The following KCTD5 variants were observed in gnomAD, a reference collection of about 807,000 sequenced individuals.
KCTD5 encodes the protein BTB/POZ domain-containing protein KCTD5.
KCTD5 carries 12 observed loss-of-function variants against 27.9 expected under a neutral mutation model. That is an observed-to-expected ratio of 0.43 (90% CI 0.28 to 0.70). The LOEUF (loss-of-function observed/expected upper bound fraction) is 0.70, where lower values mean the gene tolerates loss of function less well. Among genes scored for constraint, KCTD5 ranks in the 30% least tolerant of loss-of-function variants. The probability of loss-of-function intolerance (pLI) is 0.19; values close to 1 mark genes in which losing one functional copy is unlikely to be tolerated. For missense variants in KCTD5, 226 were observed against 274.8 expected, an observed-to-expected ratio of 0.82 and a Z score of 1.26; for synonymous variants, 147 against 121.4, an observed-to-expected ratio of 1.21 and a Z score of -1.39.
intron 5 of KCTD5, among the ~76,000 whole-genome samples, chr16:2,703,762 G>A (rs1013097231): frequency 1.3e-5 from 2 of 152,124 alleles, no homozygotes; most frequent in Non-Finnish European, 2.9e-5. Context: ...GCCGTTCCTC[G>A]AGGCCGAGGC....
chr16:2,684,548 G>A (rs1379334357), intron 1 of KCTD5: 4 of 151,988 alleles, frequency 2.6e-5, no homozygotes, highest in East Asian at 1.9e-4. Context: ...GGCGGATCAC[G>A]AGGTCAGGAG....
At position 2,702,491 on chromosome 16, in the gene KCTD5, C is replaced by A. The variant is rs761450252; in HGVS notation, c.675+13C>A. ...CGAGAAGGCCAAGGTGAGTGCTGGG[C>A]CGGCCCTGGCCTGGGGCAGTCTTGG... On this transcript the variant is annotated intron_variant, in intron 5 of 5. Transcript: ENST00000301738. The A allele has an allele frequency of 1.2e-6, 2 of 1,612,016 alleles. No individual in the cohort carries two copies. The highest frequency in any genetic ancestry group is 2.2e-5 in the South Asian group (2 of 90,996).
chr16:2,692,867 G>A (rs2067572702), intron 1 of KCTD5, among the ~76,000 whole-genome samples: 1 of 152,282 alleles, frequency 6.6e-6, no homozygotes, highest in Non-Finnish European at 1.5e-5. Context: ...GAGCCTGCAA[G>A]GGCCCGGCAG....
rs2067647026 is a variant in KCTD5 at position 2,708,381 on chromosome 16, A to G, written c.*1054A>G. 6.6e-6 allele frequency: 1 copy of G among 152,610 alleles called. No homozygotes were observed. Among genetic ancestry groups the G allele is most frequent in the Non-Finnish European group, 1.5e-5 (1 of 68,032 alleles). The allele number at this position is 152,610 out of a possible 1,614,324, so 9.5% of individuals were successfully genotyped here. On this transcript the variant is annotated 3_prime_UTR_variant, in exon 6 of 6. Coordinates refer to ENST00000301738, the MANE Select transcript of KCTD5 (RefSeq NM_018992.4). ...CCGACATGCCGTGGGAGCTGCTGGG[A>G]TTCCTTTAGAAACCGCTGCCCGCAT...
intron 1 of KCTD5, among the ~76,000 whole-genome samples, chr16:2,691,846 C>A (rs866213104): frequency 6.6e-6 from 1 of 152,250 alleles, no homozygotes; most frequent in Admixed American, 6.5e-5. Context: ...GGGTCCCCCG[C>A]GGTGCCTCAG....
chr16:2,706,236 G>A (rs571523963), intron 5 of KCTD5, among the ~76,000 whole-genome samples: 56 of 152,286 alleles, frequency 3.7e-4, no homozygotes, highest in Non-Finnish European at 6.8e-4. Context: ...CTCAGGGGAC[G>A]TGGCCTCCAG....
chr16:2,688,364 C>A (rs1183102356), intron 1 of KCTD5, among the ~76,000 whole-genome samples: 4 of 151,606 alleles, frequency 2.6e-5, no homozygotes, highest in Non-Finnish European at 5.9e-5. Flanking sequence ...ATTTCTCCTG[C>A]CCCACCCTCC....
intron 1 of KCTD5, among the ~76,000 whole-genome samples, chr16:2,690,596 G>C (rs1264533144): frequency 6.6e-6 from 1 of 152,232 alleles, no homozygotes; most frequent in Non-Finnish European, 1.5e-5. Flanking sequence ...GCCGTGGAAC[G>C]TATGAGAAAG....
At position 2,702,904 on chromosome 16, in the gene KCTD5, G is replaced by A. The variant is rs1281415728; in HGVS notation, c.675+426G>A. On this transcript the variant is annotated intron_variant, in intron 5 of 5. Transcript: ENST00000301738. Reference sequence around the variant, plus strand: ...TGGGGGTCCAGTTGTCGTGGTGGGGGTCTGGGCCATCCCTGAGTGCAGGGG... The same window carrying A: ...TGGGGGTCCAGTTGTCGTGGTGGGGATCTGGGCCATCCCTGAGTGCAGGGG... 2.0e-5 allele frequency among the ~76,000 whole-genome samples: 3 copies of A among 152,304 alleles called. No individual in the cohort carries two copies. In the East Asian group the frequency reaches 5.8e-4, roughly 29 times the overall value.
chr16:2,688,383 TGG>T (rs1459250636), intron 1 of KCTD5, among the ~76,000 whole-genome samples: 1 of 151,788 alleles, frequency 6.6e-6, no homozygotes, highest in African/African-American at 2.4e-5. Context: ...CCCAAGTAGC[TGG>T]GATTACAGGC....
intron 5 of KCTD5, among the ~76,000 whole-genome samples, chr16:2,705,310 T>C (rs1394294606): frequency 6.6e-6 from 1 of 152,130 alleles, no homozygotes; most frequent in Admixed American, 6.5e-5. Context: ...ATGCCAGCTG[T>C]AGATCCTCAG....
In KCTD5 at chr16:2,707,619, G is replaced by C. The variant is rs2067642979; in HGVS notation, c.*292G>C. ...CGTGGGACTGAGGCAGACACTCCCA[G>C]TCAGCCCGCTCGATCCTGAAGATCG... is the stretch of plus-strand genomic sequence containing the variant. On this transcript the variant is annotated 3_prime_UTR_variant, in exon 6 of 6. Transcript: ENST00000301738. 3 of 603,666 alleles carry C rather than the reference G, an allele frequency of 5.0e-6. No homozygotes were observed. The highest frequency in any genetic ancestry group is 8.8e-6 in the Non-Finnish European group (3 of 339,292). 37.4% of individuals were successfully genotyped at this position (603,666 alleles called of 1,614,324 possible). A position where few individuals can be genotyped will look rare whatever the true frequency, so the allele number is the denominator to read the frequency against.
At chr16:2,706,992 G>A (rs1289328136) in intron 5 of KCTD5, among the ~76,000 whole-genome samples, 1 of 152,040 alleles carries the variant, frequency 6.6e-6, no homozygotes, top group Non-Finnish European at 1.5e-5. Context: ...GCCGAGTTGC[G>A]CTTCATGTCT....
chr16:2,692,434 C>G (rs181834926), intron 1 of KCTD5, among the ~76,000 whole-genome samples: 1 of 152,142 alleles, frequency 6.6e-6, no homozygotes, highest in Non-Finnish European at 1.5e-5. Flanking sequence ...GAAGCGGCCC[C>G]GGACTGGCTG....
At chr16:2,684,937 C>T (rs2067534245) in intron 1 of KCTD5, among the ~76,000 whole-genome samples, 1 of 152,062 alleles carries the variant, frequency 6.6e-6, no homozygotes, top group South Asian at 2.1e-4. Context: ...GACTCTGTCT[C>T]AAACAAACAA....
chr16:2,705,580 CT>C (rs2067632036), intron 5 of KCTD5, among the ~76,000 whole-genome samples: 2 of 152,158 alleles, frequency 1.3e-5, no homozygotes, highest in South Asian at 4.1e-4. Flanking sequence ...CAGCAGACCC[CT>C]ATCTCAGCTG....
chr16:2,699,261 A>G (rs1051092873), intron 3 of KCTD5: 7 of 455,586 alleles, frequency 1.5e-5, no homozygotes, highest in African/African-American at 1.2e-4. Flanking sequence ...GTGGCTCACC[A>G]TCACTCCCAG....
chr16:2,688,794 A>G (rs2067554093), intron 1 of KCTD5, among the ~76,000 whole-genome samples: 1 of 58,334 alleles, frequency 1.7e-5, no homozygotes, highest in East Asian at 4.0e-4. Flanking sequence ...TGGACCCTGC[A>G]CTGTGGGGAG....
At chr16:2,697,378 CCA>C in intron 2 of KCTD5, 1 of 154,430 alleles carries the variant, frequency 6.5e-6, no homozygotes, top group Non-Finnish European at 1.4e-5. Context: ...ACCCTCTCAG[CCA>C]GCCACAGTCT....
Sources: gnomAD v4.1 joint callset for allele counts (sites outside exome capture counted in the v4.1 genomes callset) on GRCh38, gnomAD v4.1.1 for gene constraint, MANE v1.5 for transcripts, NCBI Gene and HGNC (gene_info 2026-07-23, HGNC 2026-07-21) for gene names.